The following CUBN variants were observed in gnomAD, a reference collection of about 807,000 sequenced individuals.
CUBN encodes the protein cubilin.
In CUBN, 282 loss-of-function variants were observed where a neutral mutation model predicts 405.3. The ratio of observed to expected loss-of-function variants is 0.70; its 90% CI spans 0.63 to 0.77. The LOEUF (loss-of-function observed/expected upper bound fraction) is 0.77, where lower values mean the gene tolerates loss of function less well. Among genes scored for constraint, CUBN ranks in the 30% least tolerant of loss-of-function variants. The pLI, the probability that CUBN is intolerant of heterozygous loss-of-function variation, is 0.00. For synonymous variants in CUBN, 1,684 were observed against 1,617.0 expected (o/e 1.04, Z -0.99); for missense variants, 4,514 against 4,475.2 (o/e 1.01, Z -0.25).
At chr10:17,080,528 C>T (rs532329181) in intron 17 of CUBN, among the ~76,000 whole-genome samples, 14 of 152,362 alleles carry the variant, frequency 9.2e-5, no homozygotes, top group Admixed American at 2.6e-4. Context: ...AGGCACATCG[C>T]TCTCCCTGCG....
intron 31 of CUBN, among the ~76,000 whole-genome samples, chr10:16,959,644 C>CA (rs1843163236): frequency 6.7e-6 from 1 of 150,312 alleles, no homozygotes; most frequent in Non-Finnish European, 1.5e-5. Context: ...AAAAAAAAGA[C>CA]AAAAAACAAC....
chr10:16,914,928 G>A, intron 47 of CUBN, 104 bp downstream of exon 47: 1 of 996,274 alleles, frequency 1.0e-6, no homozygotes, highest in Non-Finnish European at 1.5e-6. Context: ...GAAAATAGGG[G>A]TCATGTTTTG....
At chr10:16,832,790 G>A (rs1839047933) in intron 64 of CUBN, among the ~76,000 whole-genome samples, 1 of 152,086 alleles carries the variant, frequency 6.6e-6, no homozygotes. Flanking sequence ...ATGGTCTAGA[G>A]CTCGGCCCTC....
At chr10:17,089,922 G>A (rs1167428191) in intron 14 of CUBN, among the ~76,000 whole-genome samples, 1 of 152,034 alleles carries the variant, frequency 6.6e-6, no homozygotes, top group Non-Finnish European at 1.5e-5. Flanking sequence ...CCCAGTTTAA[G>A]AACGGCCTGG....
At chr10:17,068,529 T>A in intron 20 of CUBN, 76 bp downstream of exon 20, 1 of 1,297,954 alleles carries the variant, frequency 7.7e-7, no homozygotes, top group Non-Finnish European at 1.1e-6. Flanking sequence ...ATGATTTTCA[T>A]ATAATTTATT....
rs1053573804 is a variant in CUBN at position 16,933,053 on chromosome 10, G to A, written c.6124+34C>T. ...TGGACTAGAACTAATTATGTGTCAG[G>A]GTTGAAACTCAGCATTCTTTATAAT... On this transcript the variant is annotated intron_variant, in intron 40 of 66. Transcript: ENST00000377833. The A allele has an allele frequency of 4.4e-6, 7 of 1,597,564 alleles. No individual in the cohort carries two copies. The Admixed American group carries it at 1.2e-4, about 27-fold the overall frequency.
rs185018245 is a variant in CUBN, at chr10:16,923,290, G to A, written c.6646+1951C>T. On this transcript the variant is annotated intron_variant, in intron 43 of 66. Transcript: ENST00000377833. Reference sequence around the variant, plus strand: ...CCTATTAATCAGGTGAGAATAAAAGGCATCTACCACAGGGTCCTAGAAATC... The same window carrying A: ...CCTATTAATCAGGTGAGAATAAAAGACATCTACCACAGGGTCCTAGAAATC... Among the ~76,000 whole-genome samples, 14 of 152,176 alleles carry A rather than the reference G, an allele frequency of 9.2e-5. No individual in the cohort carries two copies. The East Asian group carries it at 2.7e-3, about 29-fold the overall frequency.
chr10:17,021,024 TGAC>T (rs997186177), intron 27 of CUBN, among the ~76,000 whole-genome samples: 1 of 152,240 alleles, frequency 6.6e-6, no homozygotes, highest in African/African-American at 2.4e-5. Flanking sequence ...TCAATTATGA[TGAC>T]GATCATGTTT....
chr10:16,961,899 A>G (rs1843235403), intron 31 of CUBN, among the ~76,000 whole-genome samples: 1 of 151,908 alleles, frequency 6.6e-6, no homozygotes, highest in Non-Finnish European at 1.5e-5. Context: ...TTTTCAGTAG[A>G]GACAAGGTTT....
Position 16,834,924 on chromosome 10 carries a change from T to C in CUBN, c.10362+90A>G, listed in dbSNP as rs180968528. 7 of 1,183,336 alleles carry C rather than the reference T, an allele frequency of 5.9e-6. No homozygotes were observed. In the East Asian group the frequency reaches 1.5e-4, roughly 25 times the overall value. The allele number at this position is 1,183,336 out of a possible 1,614,324, so 73.3% of individuals were successfully genotyped here. ...AATGAAACAAATAAGAATCATATAA[T>C]ATTAGCAGCACTAGATAAAAGGTGT... On this transcript the variant is annotated intron_variant, in intron 64 of 66. Transcript: ENST00000377833.
chr10:16,872,132 C>T (rs1052450630), intron 58 of CUBN, among the ~76,000 whole-genome samples: 2 of 151,976 alleles, frequency 1.3e-5, no homozygotes, highest in African/African-American at 4.8e-5. Flanking sequence ...CCCAGCTACT[C>T]AGGAGGCTAA....
At chr10:16,989,628 C>T (rs1833524118) in intron 29 of CUBN, among the ~76,000 whole-genome samples, 1 of 151,300 alleles carries the variant, frequency 6.6e-6, no homozygotes, top group South Asian at 2.1e-4. Flanking sequence ...TAAATTCCTG[C>T]AATTAAACAT....
intron 17 of CUBN, among the ~76,000 whole-genome samples, chr10:17,082,924 T>A (rs74120120): frequency 0.063 from 9,542 of 152,170 alleles, 440 homozygotes; most frequent in East Asian, 0.19. Context: ...TTACCACACA[T>A]GGCAGGCAGT....
At chr10:17,001,567 G>T (rs976805667) in intron 28 of CUBN, among the ~76,000 whole-genome samples, 2 of 152,352 alleles carry the variant, frequency 1.3e-5, no homozygotes, top group Middle Eastern at 3.4e-3. Flanking sequence ...GACCCAGGAA[G>T]TCCAGCTGGC....
intron 31 of CUBN, among the ~76,000 whole-genome samples, chr10:16,965,116 G>A (rs1843349724): frequency 6.6e-6 from 1 of 152,134 alleles, no homozygotes; most frequent in African/African-American, 2.4e-5. Flanking sequence ...TTTGTCCGAT[G>A]TATCGCTTGG....
intron 27 of CUBN, among the ~76,000 whole-genome samples, chr10:17,033,937 C>T (rs1211128485): frequency 6.6e-6 from 1 of 152,206 alleles, no homozygotes; most frequent in Non-Finnish European, 1.5e-5. Context: ...GGATGTGACA[C>T]TGCAAGATTC....
At chr10:16,891,970 T>C (rs1272867937) in intron 54 of CUBN, among the ~76,000 whole-genome samples, 1 of 152,214 alleles carries the variant, frequency 6.6e-6, no homozygotes, top group Non-Finnish European at 1.5e-5. Context: ...TAATCTTACT[T>C]GACTATTCAA....
At chr10:16,921,586 GTTC>G (rs904205036) in intron 43 of CUBN, among the ~76,000 whole-genome samples, 4 of 152,162 alleles carry the variant, frequency 2.6e-5, no homozygotes, top group East Asian at 1.9e-4. Flanking sequence ...TGATCACACT[GTTC>G]TTCTTTACAT....
At chr10:16,982,234 A>C (rs1833295514) in intron 31 of CUBN, among the ~76,000 whole-genome samples, 1 of 152,212 alleles carries the variant, frequency 6.6e-6, no homozygotes, top group South Asian at 2.1e-4. Context: ...GTAACAACAA[A>C]ATGAAAAGCC....
Sources: allele counts gnomAD v4.1 joint callset (sites outside exome capture counted in the v4.1 genomes callset), GRCh38; gene constraint gnomAD v4.1.1; transcripts MANE v1.5; gene names NCBI Gene and HGNC (gene_info 2026-07-23, HGNC 2026-07-21).